The following DOCK11 variants were observed in gnomAD, a reference collection of about 807,000 sequenced individuals.
DOCK11 encodes the protein dedicator of cytokinesis 11.
Under a neutral mutation model 169.1 loss-of-function variants are expected in DOCK11, and 70 were observed. That is an observed-to-expected ratio of 0.41 (90% CI 0.34 to 0.51). The LOEUF (loss-of-function observed/expected upper bound fraction) is 0.51, where lower values mean the gene tolerates loss of function less well. Ranked by LOEUF, DOCK11 falls within the 20% of genes least tolerant of loss-of-function variation. The pLI, the probability that DOCK11 is intolerant of heterozygous loss-of-function variation, is 0.10. For synonymous variants in DOCK11, 529 were observed against 541.3 expected (o/e 0.98, Z 0.32); for missense variants, 1,166 against 1,538.8 (o/e 0.76, Z 4.05).
chrX:118,548,588 G>A, intron 6 of DOCK11, among the ~76,000 whole-genome samples: 1 of 111,408 alleles, frequency 9.0e-6, no homozygotes, highest in East Asian at 2.8e-4. Flanking sequence ...GAGGGCCAGA[G>A]AGAGATGCTG....
At chrX:118,525,102 G>A (rs966675796) in intron 1 of DOCK11, among the ~76,000 whole-genome samples, 7 of 108,227 alleles carry the variant, frequency 6.5e-5, no homozygotes, top group African/African-American at 1.4e-4. Context: ...CCAAAATAGC[G>A]CCACTGCACT....
At chrX:118,540,960 G>T (rs1019462382) in intron 1 of DOCK11, among the ~76,000 whole-genome samples, 2 of 111,792 alleles carry the variant, frequency 1.8e-5, no homozygotes, top group Admixed American at 1.9e-4. Context: ...CCTTGGTTTA[G>T]AATAGAGTGT....
Position 118,639,475 on chromosome X carries a change from C to T in DOCK11, c.4042C>T (p.Arg1348Ter), listed in dbSNP as rs2147510861. Reference sequence around the variant, plus strand: ...GCTGTCAAAACACTTCGGAATAGACCGAAAATCGCAAACCATGCCTGCTCT... The same window carrying T: ...GCTGTCAAAACACTTCGGAATAGACTGAAAATCGCAAACCATGCCTGCTCT... ...AWLSKHFGID[R>*]KSQTMPALRN... The change falls in exon 38 of 53, where the codon CGA becomes TGA. Residue 1348 changes from arginine to a stop codon, truncating the protein, a stop_gained. Coordinates refer to ENST00000276202, the MANE Select transcript of DOCK11 (RefSeq NM_144658.4). LOFTEE classifies it high-confidence loss of function. 2 of 1,210,561 alleles carry T rather than the reference C, an allele frequency of 1.7e-6. No individual in the cohort carries two copies. Among genetic ancestry groups the T allele is most frequent in the Non-Finnish European group, 2.2e-6 (2 of 894,907 alleles).
intron 1 of DOCK11, among the ~76,000 whole-genome samples, chrX:118,512,236 C>T (rs745916273): frequency 1.8e-4 from 20 of 111,948 alleles, no homozygotes; most frequent in Non-Finnish European, 3.4e-4. Context: ...AACCTACTTA[C>T]GACAAGGAGG....
Position 118,595,531 on chromosome X carries a change from T to A in DOCK11, c.2264-1900T>A, listed in dbSNP as rs560771781. On this transcript the variant is annotated intron_variant, in intron 20 of 52. Transcript: ENST00000276202. The stretch of plus-strand genomic sequence containing the variant: ...TTATCCCCATAGAAATTGCCGTTAG[T>A]TCAGGGTAGGGGCTTTGAGGATTGA... Among the ~76,000 whole-genome samples, 4 of 111,610 alleles carry A rather than the reference T, an allele frequency of 3.6e-5. No individual in the cohort carries two copies. In the South Asian group the frequency reaches 1.5e-3, roughly 42 times the overall value.
rs186959059 is a variant in DOCK11 at position 118,562,515 on chromosome X, T to C, written c.693+998T>C. ...CTTCTCCAAATCTTTTGGCTCTTGA[T>C]TTATTGTCTTACAGAGTGAACTCTA... On this transcript the variant is annotated intron_variant, in intron 7 of 52. Coordinates refer to ENST00000276202, the MANE Select transcript of DOCK11 (RefSeq NM_144658.4). Among the ~76,000 whole-genome samples, 9 of 111,649 alleles carry C rather than the reference T, an allele frequency of 8.1e-5. No homozygotes were observed. The East Asian group carries it at 1.1e-3, about 14-fold the overall frequency.
chrX:118,500,172 C>T (rs1349539368), intron 1 of DOCK11, among the ~76,000 whole-genome samples: 4 of 109,595 alleles, frequency 3.6e-5, no homozygotes, highest in Non-Finnish European at 7.6e-5. Context: ...CCTCAGCCTC[C>T]CGAGTAGCTG....
At chrX:118,662,960 G>A (rs936626170) in intron 45 of DOCK11, among the ~76,000 whole-genome samples, 168 bp downstream of exon 45, 29 of 112,144 alleles carry the variant, frequency 2.6e-4, no homozygotes, top group African/African-American at 9.1e-4. Flanking sequence ...AGAGGGCCCT[G>A]TCTCTTGAAC....
rs1168531233 is a variant in DOCK11, at chrX:118,546,234, A to AAAAAAAAAG, written c.558+118_558+119insAAAAAAAAG. On this transcript the variant is annotated intron_variant, in intron 6 of 52. Coordinates refer to ENST00000276202, the MANE Select transcript of DOCK11 (RefSeq NM_144658.4). Reference sequence around the variant, plus strand: ...GCAAAAAAAAAAAAAAAAAAAAAGGAGAGGATTCTCACAGACGTATGGAAT... The same window carrying AAAAAAAAAG: ...GCAAAAAAAAAAAAAAAAAAAAAGGAAAAAAAAAGGAGGATTCTCACAGACGTATGGAAT... The AAAAAAAAAG allele has an allele frequency of 1.3e-5, 5 of 385,005 alleles. No homozygotes were observed. In the African/African-American group the frequency reaches 1.3e-4, roughly 10 times the overall value. The allele number at this position is 385,005 out of a possible 1,213,427, so 31.7% of individuals were successfully genotyped here.
chrX:118,550,791 C>G (rs910962395), intron 6 of DOCK11, among the ~76,000 whole-genome samples: 3 of 111,974 alleles, frequency 2.7e-5, no homozygotes, highest in Non-Finnish European at 5.6e-5. Flanking sequence ...AGCAGCTGAC[C>G]CAGCTCTTGG....
chrX:118,568,370 T>TTATATATATATATA (rs397839351), intron 10 of DOCK11, among the ~76,000 whole-genome samples: 2 of 36,735 alleles, frequency 5.4e-5, no homozygotes, highest in Non-Finnish European at 9.9e-5. Flanking sequence ...TGGGGCTGAA[T>TTATATATATATATA]TATATATATA....
chrX:118,543,010 A>G lies in DOCK11; in HGVS notation c.304A>G (p.Lys102Glu). 2.5e-6 allele frequency: 3 copies of G among 1,203,858 alleles called. No homozygotes were observed. Among genetic ancestry groups the G allele is most frequent in the Middle Eastern group, 2.3e-4 (1 of 4,331 alleles). ...AEKRAQSLFVKECIKTYSTDW... is the reference protein window; with the variant it reads ...AEKRAQSLFVEECIKTYSTDW... ...AAAGAGGGCCCAGAGTTTATTTGTT[A>G]AAGAGGTAAGAGGCTCAAAGGCCAC... is the stretch of plus-strand genomic sequence containing the variant. Residue 102 changes from lysine (K) to glutamate (E), a missense_variant, in exon 3 of 53, where the codon AAA (lysine) becomes GAA (glutamate). Lys to Glu is a moderately conservative substitution (Grantham distance 56). Transcript: ENST00000276202.
intron 50 of DOCK11, 29 bp from the exon 51 acceptor site, chrX:118,681,665 A>G: frequency 1.9e-6 from 2 of 1,038,997 alleles, no homozygotes; most frequent in Non-Finnish European, 2.5e-6. Flanking sequence ...TTCTGGAAAC[A>G]CTCTCATTTT....
intron 7 of DOCK11, among the ~76,000 whole-genome samples, chrX:118,565,454 C>T (rs1024691189): frequency 8.9e-6 from 1 of 111,786 alleles, no homozygotes. Context: ...TAACTATGGT[C>T]GCCCTATTGT....
At chrX:118,518,588 C>T (rs951072205) in intron 1 of DOCK11, among the ~76,000 whole-genome samples, 2 of 111,528 alleles carry the variant, frequency 1.8e-5, no homozygotes, top group Non-Finnish European at 3.8e-5. Flanking sequence ...TTGGATATTT[C>T]CTCTTTGTAA....
At chrX:118,675,329 T>C (rs1278728833) in intron 46 of DOCK11, among the ~76,000 whole-genome samples, 1 of 112,337 alleles carries the variant, frequency 8.9e-6, no homozygotes, top group Non-Finnish European at 1.9e-5. Flanking sequence ...ACCTGAGGGC[T>C]CAAGCAAAGC....
intron 36 of DOCK11, 86 bp downstream of exon 36, chrX:118,636,498 T>C (rs1293643815): frequency 2.5e-6 from 1 of 401,735 alleles, no homozygotes; most frequent in Non-Finnish European, 4.1e-6. Flanking sequence ...TTTAATAGCT[T>C]ATTTGCTAAT....
At chrX:118,683,053 C>A in intron 51 of DOCK11, 26 bp from the exon 52 acceptor site, 1 of 1,186,724 alleles carries the variant, frequency 8.4e-7, no homozygotes, top group Non-Finnish European at 1.1e-6. Flanking sequence ...AATAACAAGA[C>A]CTTTATCTTT....
At chrX:118,647,613 A>G (rs1203444702) in intron 40 of DOCK11, among the ~76,000 whole-genome samples, 1 of 64,063 alleles carries the variant, frequency 1.6e-5, no homozygotes, top group Non-Finnish European at 2.6e-5. Flanking sequence ...TATAAATATA[A>G]TATATAAGAT....
Sources: gnomAD v4.1 joint callset for allele counts (sites outside exome capture counted in the v4.1 genomes callset) on GRCh38, gnomAD v4.1.1 for gene constraint, MANE v1.5 for transcripts, NCBI Gene and HGNC (gene_info 2026-07-23, HGNC 2026-07-21) for gene names.